Variants in SH3BP4 observed in about 807,000 individuals in gnomAD.
The protein encoded by SH3BP4 is SH3 domain binding protein 4.
In SH3BP4, 33 loss-of-function variants were observed where a neutral mutation model predicts 65.5. The observed-to-expected ratio is 0.50, with a 90% confidence interval of 0.38 to 0.67. The LOEUF (loss-of-function observed/expected upper bound fraction) is 0.67. SH3BP4 is among the 30% of genes least tolerant of loss of function. SH3BP4 has a pLI of 0.00. For synonymous variants in SH3BP4, 552 were observed against 545.5 expected (o/e 1.01, Z -0.17); for missense variants, 1,134 against 1,261.4 (o/e 0.90, Z 1.53).
At chr2:235,021,669 A>G (rs546940198) in intron 2 of SH3BP4, among the ~76,000 whole-genome samples, 5 of 152,128 alleles carry the variant, frequency 3.3e-5, no homozygotes, top group Non-Finnish European at 7.3e-5. Context: ...GAAGAAAAAA[A>G]AGGTAAAAAT....
chr2:234,957,636 T>A (rs919677047), intron 1 of SH3BP4, among the ~76,000 whole-genome samples: 2 of 151,676 alleles, frequency 1.3e-5, no homozygotes, highest in Admixed American at 1.3e-4. Flanking sequence ...AAAACAACAA[T>A]CCATGTTCCA....
At position 235,026,515 on chromosome 2, in the gene SH3BP4, T is replaced by A. The variant is rs1387541477; in HGVS notation, c.-132-8356T>A. On this transcript the variant is annotated intron_variant, in intron 2 of 5. Coordinates refer to ENST00000392011, the MANE Select transcript of SH3BP4 (RefSeq NM_014521.3). This position sits in a 1 kb window ranked among gnomAD's most constrained non-coding sequence, Gnocchi z 4.6. The stretch of plus-strand genomic sequence containing the variant: ...CCAGGTCTTCCATTCTTTTGTTGAT[T>A]TGTCTCCAATACGGGTTCCCTCAAA... Among the ~76,000 whole-genome samples, 2 of 152,132 alleles carry A rather than the reference T, an allele frequency of 1.3e-5. No individual in the cohort carries two copies. The highest frequency in any genetic ancestry group is 2.4e-5 in the African/African-American group (1 of 41,442).
chr2:235,006,451 T>C (rs1455232302), intron 2 of SH3BP4, among the ~76,000 whole-genome samples: 1 of 151,806 alleles, frequency 6.6e-6, no homozygotes, highest in Non-Finnish European at 1.5e-5. Flanking sequence ...AGCTGTGATA[T>C]AAAAGCACTC....
At chr2:234,968,282 C>A (rs775833802) in intron 1 of SH3BP4, among the ~76,000 whole-genome samples, 2 of 151,860 alleles carry the variant, frequency 1.3e-5, no homozygotes, top group Non-Finnish European at 2.9e-5. Flanking sequence ...TGCAGAAACA[C>A]GGCCACCTGA....
chr2:235,042,086 G>A lies in SH3BP4; in HGVS notation c.1317G>A (p.Gln439=). Residue 439 remains glutamine (Q), a synonymous_variant, in exon 4 of 6, where the codon CAG becomes CAA. Transcript: ENST00000392011. The surrounding 1 kb of genome is among the most constrained non-coding windows in gnomAD (Gnocchi z 7.3). ...PLNCSCGDTV[Q]AQLHNLEPCM... ...ACTGCAGCTGTGGGGACACGGTCCA[G>A]GCACAGCTGCACAACCTGGAGCCCT... is the stretch of plus-strand genomic sequence containing the variant. The A allele has an allele frequency of 6.2e-7, 1 of 1,613,952 alleles. No individual in the cohort carries two copies. The highest frequency in any genetic ancestry group is 1.1e-5 in the South Asian group (1 of 91,070).
intron 2 of SH3BP4, among the ~76,000 whole-genome samples, chr2:235,015,420 C>T (rs1694658987): frequency 6.6e-6 from 1 of 152,176 alleles, no homozygotes; most frequent in South Asian, 2.1e-4. Flanking sequence ...CACATGGGAG[C>T]CCTCGCTGCT....
chr2:235,006,159 G>A (rs559574683), intron 2 of SH3BP4, among the ~76,000 whole-genome samples: 2 of 152,310 alleles, frequency 1.3e-5, no homozygotes, highest in Admixed American at 6.5e-5. Flanking sequence ...CGGCTTTTAC[G>A]ACCTAGCGAG....
chr2:234,956,834 C>G (rs1692599982), intron 1 of SH3BP4, among the ~76,000 whole-genome samples: 1 of 152,026 alleles, frequency 6.6e-6, no homozygotes, highest in Admixed American at 6.6e-5. Flanking sequence ...ACTGGGCTTA[C>G]AGGTGTGAGG....
chr2:234,984,476 A>G (rs1693485081), intron 1 of SH3BP4, among the ~76,000 whole-genome samples: 1 of 152,094 alleles, frequency 6.6e-6, no homozygotes, highest in Non-Finnish European at 1.5e-5. Flanking sequence ...TCCAAGGTGT[A>G]GAAATTACAG....
chr2:235,014,958 A>G (rs539606829), intron 2 of SH3BP4, among the ~76,000 whole-genome samples: 56 of 152,350 alleles, frequency 3.7e-4, no homozygotes, highest in Non-Finnish European at 6.8e-4. Flanking sequence ...GGTGGCATTT[A>G]GGTTTTAGCC....
chr2:235,041,601 C>G lies in SH3BP4; in HGVS notation c.832C>G (p.Gln278Glu). 4 of 1,614,096 alleles carry G rather than the reference C, an allele frequency of 2.5e-6. No individual in the cohort carries two copies. Among genetic ancestry groups the G allele is most frequent in the Non-Finnish European group, 3.4e-6 (4 of 1,180,050 alleles). The stretch of plus-strand genomic sequence containing the variant: ...GAAATCACCTGCCCCCGAGCAATTT[C>G]AGAGCCGGGAGGATTTTCGAACTGC... ...GLKSPAPEQF[Q>E]SREDFRTAWL... Residue 278 changes from glutamine to glutamate, a missense_variant, in exon 4 of 6, where the codon CAG becomes GAG. Physicochemically the swap from Gln to Glu is conservative, Grantham distance 29. Transcript: ENST00000392011. The surrounding 1 kb of genome is among the most constrained non-coding windows in gnomAD (Gnocchi z 6.0).
chr2:235,010,850 C>T (rs1368182306), intron 2 of SH3BP4, among the ~76,000 whole-genome samples: 2 of 131,954 alleles, frequency 1.5e-5, no homozygotes, highest in African/African-American at 5.5e-5. Context: ...AGAACCCTTC[C>T]TCCCTCTCCT....
intron 4 of SH3BP4, among the ~76,000 whole-genome samples, chr2:235,050,241 G>C (rs1696005528): frequency 6.6e-6 from 1 of 152,010 alleles, no homozygotes; most frequent in South Asian, 2.1e-4. Context: ...TCAGCCTCCT[G>C]AGTAGCTGGG....
intron 4 of SH3BP4, among the ~76,000 whole-genome samples, chr2:235,051,631 C>A (rs1324787949): frequency 1.3e-5 from 2 of 151,990 alleles, no homozygotes. Flanking sequence ...GTTGCACAGT[C>A]CTGGGGGAGG....
chr2:234,996,836 G>A (rs1693933877), intron 2 of SH3BP4, among the ~76,000 whole-genome samples: 1 of 152,228 alleles, frequency 6.6e-6, no homozygotes, highest in Admixed American at 6.5e-5. Context: ...TGCATTTGGG[G>A]CATCGCCAGA....
intron 2 of SH3BP4, among the ~76,000 whole-genome samples, chr2:235,019,068 T>G (rs895034688): frequency 2.8e-4 from 43 of 152,190 alleles, no homozygotes; most frequent in Non-Finnish European, 6.0e-4. Context: ...ACAGTTCCGT[T>G]GTGCACCAGG....
chr2:235,051,457 C>G (rs1392116407), intron 4 of SH3BP4, among the ~76,000 whole-genome samples: 2 of 152,184 alleles, frequency 1.3e-5, no homozygotes, highest in African/African-American at 2.4e-5. Flanking sequence ...CGTGGTTGTT[C>G]CAGCCTCAGC....
intron 1 of SH3BP4, among the ~76,000 whole-genome samples, chr2:234,988,302 G>A (rs1693639977): frequency 6.6e-6 from 1 of 152,000 alleles, no homozygotes; most frequent in Admixed American, 6.5e-5. Flanking sequence ...CTCATGATCT[G>A]CCCACCTTGG....
chr2:234,969,227 T>C (rs372925384), intron 1 of SH3BP4, among the ~76,000 whole-genome samples: 33 of 152,364 alleles, frequency 2.2e-4, no homozygotes, highest in African/African-American at 6.5e-4. Flanking sequence ...ATCTCACTTA[T>C]TGGCTTTTTG....
Sources: allele counts gnomAD v4.1 joint callset (sites outside exome capture counted in the v4.1 genomes callset), GRCh38; gene constraint gnomAD v4.1.1; non-coding constraint Gnocchi (gnomAD v3.1); transcripts MANE v1.5; gene names NCBI Gene and HGNC (gene_info 2026-07-23, HGNC 2026-07-21).